Variants in PDE10A observed in about 807,000 individuals in gnomAD.
PDE10A encodes cAMP and cAMP-inhibited cGMP 3',5'-cyclic phosphodiesterase 10A.
PDE10A carries 39 observed loss-of-function variants against 97.7 expected under a neutral mutation model. The observed-to-expected ratio is 0.40, with a 90% CI of 0.31 to 0.52. The LOEUF (loss-of-function observed/expected upper bound fraction) is 0.52. PDE10A is among the 20% of genes least tolerant of loss of function. The pLI is 0.56. For missense variants in PDE10A, 731 were observed against 1,047.8 expected (o/e 0.70, Z 4.17); for synonymous variants, 371 against 376.8 (o/e 0.98, Z 0.18).
intron 1 of PDE10A, among the ~76,000 whole-genome samples, chr6:165,676,867 G>T (rs73788714): frequency 0.013 from 1,910 of 152,342 alleles, 44 homozygotes; most frequent in African/African-American, 0.044. Flanking sequence ...AACTGCAGGA[G>T]TGCATGGACT....
intron 1 of PDE10A, among the ~76,000 whole-genome samples, chr6:165,690,108 G>T (rs1307428860): frequency 1.3e-5 from 2 of 152,138 alleles, no homozygotes; most frequent in Admixed American, 6.5e-5. Flanking sequence ...ACAGAGAATA[G>T]GAAGAAGTAG....
Position 165,671,415 on chromosome 6 carries a change from A to G in PDE10A, c.-614-127847T>C, listed in dbSNP as rs1217534606. ...TCAGCCCAGGTGCCTCTGCCCATTT[A>G]CTGCCCAGAACTGAACATGAGCCCA... is the stretch of plus-strand genomic sequence containing the variant. On this transcript the variant is annotated intron_variant, in intron 1 of 19. Transcript: ENST00000366882. The surrounding 1 kb of genome is among the most constrained non-coding windows in gnomAD (Gnocchi z 4.6). Among the ~76,000 whole-genome samples the G allele has an allele frequency of 6.6e-6, 1 of 152,106 alleles. No individual in the cohort carries two copies. Among genetic ancestry groups the G allele is most frequent in the African/African-American group, 2.4e-5 (1 of 41,412 alleles).
At chr6:165,700,849 C>T (rs56188638) in intron 1 of PDE10A, among the ~76,000 whole-genome samples, 8,751 of 152,162 alleles carry the variant, frequency 0.058, 471 homozygotes, top group African/African-American at 0.14. Flanking sequence ...AGTTATCATG[C>T]GGGTGATTTT....
At chr6:165,728,564 G>A (rs1381552134) in intron 1 of PDE10A, among the ~76,000 whole-genome samples, 1 of 152,174 alleles carries the variant, frequency 6.6e-6, no homozygotes, top group Non-Finnish European at 1.5e-5. Context: ...ATGGCAATAT[G>A]AGAATGACTG....
chr6:165,764,095 C>T (rs1240990668), intron 1 of PDE10A, among the ~76,000 whole-genome samples: 2 of 152,204 alleles, frequency 1.3e-5, no homozygotes, highest in East Asian at 3.9e-4. Flanking sequence ...AGGGTGAGCA[C>T]TAGGAGAATC....
chr6:165,407,270 G>A (rs1407344948), intron 13 of PDE10A, among the ~76,000 whole-genome samples: 1 of 152,146 alleles, frequency 6.6e-6, no homozygotes, highest in African/African-American at 2.4e-5. Context: ...ATGTCAGAGA[G>A]AAGCCAGCAC....
At chr6:165,843,364 G>C (rs1780315946) in intron 1 of PDE10A, among the ~76,000 whole-genome samples, 1 of 152,226 alleles carries the variant, frequency 6.6e-6, no homozygotes, top group African/African-American at 2.4e-5. Context: ...AAGTGCAGGA[G>C]CCAAGTTCCC....
chr6:165,617,051 G>T (rs1787757704), intron 1 of PDE10A, among the ~76,000 whole-genome samples: 1 of 152,156 alleles, frequency 6.6e-6, no homozygotes, highest in Non-Finnish European at 1.5e-5. Context: ...TCTCAATAAT[G>T]AAAGAAAAGA....
chr6:165,442,144 A>AT (rs910524602), intron 5 of PDE10A, among the ~76,000 whole-genome samples: 5 of 151,980 alleles, frequency 3.3e-5, no homozygotes, highest in Admixed American at 1.3e-4. Flanking sequence ...AAGAGGTTTA[A>AT]TTTTTTTTAT....
At chr6:165,424,255 ACT>A (rs1788950258) in intron 10 of PDE10A, among the ~76,000 whole-genome samples, 1 of 152,030 alleles carries the variant, frequency 6.6e-6, no homozygotes, top group Non-Finnish European at 1.5e-5. Flanking sequence ...AATAGGCCTG[ACT>A]CTGACTAGTT....
chr6:165,860,183 G>A (rs571486305), intron 1 of PDE10A, among the ~76,000 whole-genome samples: 1 of 152,334 alleles, frequency 6.6e-6, no homozygotes, highest in African/African-American at 2.4e-5. Context: ...GCCGGGCGCA[G>A]TGGCTCACGC....
chr6:165,808,122 G>A (rs1402144344), intron 1 of PDE10A, among the ~76,000 whole-genome samples: 3 of 152,078 alleles, frequency 2.0e-5, no homozygotes, highest in South Asian at 2.1e-4. Flanking sequence ...GAGTTGCATC[G>A]TGGGACTGTT....
chr6:165,525,579 G>C (rs569148637), intron 2 of PDE10A, among the ~76,000 whole-genome samples: 1 of 152,110 alleles, frequency 6.6e-6, no homozygotes, highest in South Asian at 2.1e-4. Context: ...AATTCTTTGC[G>C]AAATAGATTT....
intron 1 of PDE10A, among the ~76,000 whole-genome samples, chr6:165,784,209 C>T (rs368925264): frequency 3.4e-5 from 5 of 148,564 alleles, no homozygotes; most frequent in East Asian, 2.0e-4. Context: ...AACAACAATG[C>T]GAGACTCCAT....
Position 165,509,586 on chromosome 6 carries a change from AT to A in PDE10A, c.995-27244del, listed in dbSNP as rs200474367. ...TTTTTGGTTCCATACAAATTTCAGGATTTTTTTTTTTTATTTTTGTGAAAAA... is the reference window on the plus strand; with the variant it reads ...TTTTTGGTTCCATACAAATTTCAGGATTTTTTTTTTTATTTTTGTGAAAAA... On this transcript the variant is annotated intron_variant, in intron 2 of 21. Transcript: ENST00000539869. Among the ~76,000 whole-genome samples, 860 of 146,880 alleles carry A rather than the reference AT, an allele frequency of 5.9e-3. 2 individuals carry two copies. Among genetic ancestry groups the A allele is most frequent in the Admixed American group, 8.9e-3 (131 of 14,754 alleles).
intron 1 of PDE10A, among the ~76,000 whole-genome samples, chr6:165,975,937 T>G (rs1784832742): frequency 6.6e-6 from 1 of 152,230 alleles, no homozygotes; most frequent in African/African-American, 2.4e-5. Context: ...ATTGACAACA[T>G]TTCACTTCCA....
chr6:165,809,807 A>T (rs527796639), intron 1 of PDE10A, among the ~76,000 whole-genome samples: 1 of 152,314 alleles, frequency 6.6e-6, no homozygotes, highest in Non-Finnish European at 1.5e-5. Context: ...TCAGCCCTGG[A>T]ACGGGCGGCA....
chr6:165,975,587 G>A (rs1784823688), intron 1 of PDE10A, among the ~76,000 whole-genome samples: 2 of 152,200 alleles, frequency 1.3e-5, no homozygotes, highest in Non-Finnish European at 2.9e-5. Flanking sequence ...CAACTTTAAT[G>A]AGAATATATT....
At chr6:165,798,783 G>A (rs534506554) in intron 1 of PDE10A, among the ~76,000 whole-genome samples, 3 of 152,062 alleles carry the variant, frequency 2.0e-5, no homozygotes, top group Admixed American at 6.6e-5. Context: ...GCATGATCTC[G>A]GCTCACTGCA....
Sources: gnomAD v4.1 joint callset for allele counts (sites outside exome capture counted in the v4.1 genomes callset) on GRCh38, gnomAD v4.1.1 for gene constraint, Gnocchi (gnomAD v3.1) non-coding constraint, MANE v1.5 for transcripts, NCBI Gene and HGNC (gene_info 2026-07-23, HGNC 2026-07-21) for gene names.